The following CFAP44 variants were observed in gnomAD, a reference collection of about 807,000 sequenced individuals.
CFAP44 encodes cilia- and flagella-associated protein 44.
In CFAP44, 134 loss-of-function variants were observed where a neutral mutation model predicts 216.2. The ratio of observed to expected loss-of-function variants is 0.62; its 90% CI spans 0.54 to 0.72. The LOEUF (loss-of-function observed/expected upper bound fraction) is 0.72, where lower values mean the gene tolerates loss of function less well. CFAP44 is among the 30% of genes least tolerant of loss of function. The pLI is 0.00. For synonymous variants in CFAP44, 700 were observed against 727.6 expected (o/e 0.96, Z 0.61); for missense variants, 2,035 against 2,182.1 (o/e 0.93, Z 1.34).
chr3:113,309,214 A>G (rs1950014709), intron 28 of CFAP44, among the ~76,000 whole-genome samples: 1 of 152,214 alleles, frequency 6.6e-6, no homozygotes, highest in Non-Finnish European at 1.5e-5. Flanking sequence ...CTCCCAATGG[A>G]GAGAACTTGA....
At position 113,406,984 on chromosome 3, in the gene CFAP44, T is replaced by C; in HGVS notation, c.948A>G (p.Arg316=). 1.2e-6 allele frequency: 2 copies of C among 1,614,156 alleles called. No individual in the cohort carries two copies. The stretch of plus-strand genomic sequence containing the variant: ...TATCAGTAGTGATTGTTTTGCCAAA[T>C]CGACCTAGTGATCCCTGCAGCTTGA... ...TGLKLQGSLG[R]FGKTITTDIE... is the part of the protein sequence containing the mutation. Residue 316 remains arginine (R), a synonymous_variant, in exon 8 of 35, where the codon CGA becomes CGG. Transcript: ENST00000393845.
intron 11 of CFAP44, among the ~76,000 whole-genome samples, chr3:113,400,859 G>A (rs150379366): frequency 3.0e-4 from 45 of 152,020 alleles, no homozygotes; most frequent in African/African-American, 1.1e-3. Context: ...GTGATTTTGC[G>A]CAAGTCACCT....
At chr3:113,297,306 G>A (rs751624576) in intron 32 of CFAP44, among the ~76,000 whole-genome samples, 1 of 152,048 alleles carries the variant, frequency 6.6e-6, no homozygotes, top group African/African-American at 2.4e-5. Context: ...AGGAGGCCCT[G>A]CATGGTCAGC....
chr3:113,425,366 A>G (rs1049017634), intron 4 of CFAP44, among the ~76,000 whole-genome samples: 2 of 152,242 alleles, frequency 1.3e-5, no homozygotes, highest in African/African-American at 4.8e-5. Context: ...TAAGGACCTC[A>G]ATGAAAACTG....
At chr3:113,438,854 T>C (rs991924605) in intron 1 of CFAP44, among the ~76,000 whole-genome samples, 11 of 152,204 alleles carry the variant, frequency 7.2e-5, no homozygotes, top group African/African-American at 2.7e-4. Flanking sequence ...GTATCCCAAT[T>C]ATTTCAATTA....
chr3:113,360,938 A>AT (rs1289814085), intron 21 of CFAP44: 1 of 230,742 alleles, frequency 4.3e-6, no homozygotes, highest in Non-Finnish European at 9.1e-6. Context: ...AAAAAAAAAA[A>AT]GGCAGTTGAA....
chr3:113,291,981 T>C (rs1465661514), intron 34 of CFAP44, among the ~76,000 whole-genome samples: 1 of 152,222 alleles, frequency 6.6e-6, no homozygotes, highest in Non-Finnish European at 1.5e-5. Context: ...GAGTACACTT[T>C]AAGCTAGCTA....
intron 28 of CFAP44, among the ~76,000 whole-genome samples, chr3:113,319,527 T>A (rs1246293843): frequency 3.3e-5 from 5 of 151,210 alleles, no homozygotes; most frequent in African/African-American, 7.3e-5. Flanking sequence ...AGACAGCTCA[T>A]CAAGGCAGAA....
chr3:113,287,530 C>T lies in CFAP44; in HGVS notation c.*4027G>A, dbSNP rs901973422. On this transcript the variant is annotated 3_prime_UTR_variant, in exon 35 of 35. Coordinates refer to ENST00000393845, the MANE Select transcript of CFAP44 (RefSeq NM_001164496.2). The stretch of plus-strand genomic sequence containing the variant: ...GTCTCTGAGTATTTGAAGAAAATAC[C>T]CACTTACAATATTTTCAGGTCCATC... 2 of 152,680 alleles carry T rather than the reference C, an allele frequency of 1.3e-5. No homozygotes were observed. Among genetic ancestry groups the T allele is most frequent in the Non-Finnish European group, 2.9e-5 (2 of 68,212 alleles). The allele number at this position is 152,680 out of a possible 1,614,324, so 9.5% of individuals were successfully genotyped here. A position where few individuals can be genotyped will look rare whatever the true frequency, so the allele number is the denominator to read the frequency against.
At chr3:113,408,598 C>T (rs1934356832) in intron 7 of CFAP44, among the ~76,000 whole-genome samples, 1 of 152,196 alleles carries the variant, frequency 6.6e-6, no homozygotes, top group African/African-American at 2.4e-5. Context: ...GGCACAGTGG[C>T]TTACGCCTGC....
chr3:113,418,652 A>G (rs1455335549), intron 5 of CFAP44, among the ~76,000 whole-genome samples: 1 of 152,078 alleles, frequency 6.6e-6, no homozygotes, highest in African/African-American at 2.4e-5. Context: ...GTGGACATAA[A>G]ACTGCTCAAC....
chr3:113,414,795 C>T (rs1470555933), intron 6 of CFAP44, among the ~76,000 whole-genome samples: 1 of 152,156 alleles, frequency 6.6e-6, no homozygotes, highest in Admixed American at 6.5e-5. Flanking sequence ...CATCGATGTT[C>T]ATCAGGGATA....
intron 34 of CFAP44, chr3:113,293,937 G>A (rs1310715074): frequency 4.4e-6 from 2 of 455,240 alleles, no homozygotes; most frequent in Non-Finnish European, 8.8e-6. Context: ...ACTGGGTTGG[G>A]GCCTTAGCAC....
chr3:113,433,657 T>C lies in CFAP44; in HGVS notation c.8A>G (p.Glu3Gly). The C allele has an allele frequency of 6.2e-7, 1 of 1,612,562 alleles. No homozygotes were observed. The highest frequency in any genetic ancestry group is 8.5e-7 in the Non-Finnish European group (1 of 1,179,428). The change falls in exon 2 of 35, where the codon GAA (glutamate) becomes GGA (glycine). Residue 3 changes from glutamate (E) to glycine (G), a missense_variant. By Grantham distance (98) the Glu-to-Gly change is moderately conservative. Transcript: ENST00000393845. ...CCCATCAGTATCCTGATCATCTGGTTCCTTCATTTCCTCTGTAAGTACAAA... is the reference window on the plus strand; with the variant it reads ...CCCATCAGTATCCTGATCATCTGGTCCCTTCATTTCCTCTGTAAGTACAAA... MKEPDDQDTDGEK... is the reference protein window; with the variant it reads MKGPDDQDTDGEK...
intron 32 of CFAP44, among the ~76,000 whole-genome samples, chr3:113,302,054 T>G (rs1218674804): frequency 6.6e-6 from 1 of 152,228 alleles, no homozygotes; most frequent in African/African-American, 2.4e-5. Context: ...TTATTTCACT[T>G]AACATATTGT....
chr3:113,345,192 C>T (rs879715009), intron 22 of CFAP44, among the ~76,000 whole-genome samples: 11 of 149,502 alleles, frequency 7.4e-5, no homozygotes, highest in Non-Finnish European at 1.3e-4. Flanking sequence ...TGTTTTGATG[C>T]ATAGATATAC....
rs943949623 is a variant in CFAP44, at chr3:113,419,006, G to T, written c.570+1011C>A. Among the ~76,000 whole-genome samples the T allele has an allele frequency of 5.3e-5, 8 of 152,222 alleles. 1 individual carries two copies. Among genetic ancestry groups the T allele is most frequent in the Non-Finnish European group, 1.2e-4 (8 of 67,998 alleles). ...GGCATGAGCCACCGTGCTTGGCCAGGATTAGCATGCTTGACCACACTACAC... is the reference window on the plus strand; with the variant it reads ...GGCATGAGCCACCGTGCTTGGCCAGTATTAGCATGCTTGACCACACTACAC... On this transcript the variant is annotated intron_variant, in intron 5 of 34. Coordinates refer to ENST00000393845, the MANE Select transcript of CFAP44 (RefSeq NM_001164496.2).
At chr3:113,325,263 T>C (rs1304493779) in intron 28 of CFAP44, among the ~76,000 whole-genome samples, 1 of 140,540 alleles carries the variant, frequency 7.1e-6, no homozygotes, top group African/African-American at 2.7e-5. Context: ...ATCACGCCAC[T>C]GCACTCCAGC....
intron 28 of CFAP44, among the ~76,000 whole-genome samples, chr3:113,323,349 G>A (rs921958442): frequency 2.6e-5 from 4 of 152,098 alleles, no homozygotes; most frequent in Admixed American, 6.5e-5. Flanking sequence ...AATCCTAAGC[G>A]AATTCACACA....
Sources: gnomAD v4.1 joint callset for allele counts (sites outside exome capture counted in the v4.1 genomes callset) on GRCh38, gnomAD v4.1.1 for gene constraint, MANE v1.5 for transcripts, NCBI Gene and HGNC (gene_info 2026-07-23, HGNC 2026-07-21) for gene names.